TMEM123: variants seen among roughly 807,000 people sequenced by gnomAD.
The protein encoded by TMEM123 is transmembrane protein 123.
A neutral mutation model predicts 19.7 loss-of-function variants in TMEM123; 16 were observed. The observed-to-expected ratio is 0.81, with a 90% CI of 0.55 to 1.23. The LOEUF (loss-of-function observed/expected upper bound fraction) is 1.23. Among genes scored for constraint, TMEM123 ranks in the 50% most tolerant of loss-of-function variants. The pLI, the probability that TMEM123 is intolerant of heterozygous loss-of-function variation, is 0.00. For synonymous variants in TMEM123, 118 were observed against 99.4 expected (o/e 1.19, Z -1.12); for missense variants, 313 against 257.8 (o/e 1.21, Z -1.47).
At chr11:102,410,955 G>A (rs1167069637) in intron 2 of TMEM123, among the ~76,000 whole-genome samples, 3 of 151,994 alleles carry the variant, frequency 2.0e-5, no homozygotes, top group Non-Finnish European at 1.5e-5. Flanking sequence ...AATGTATCTT[G>A]TGTGTTACAA....
At chr11:102,429,343 C>T (rs191946912) in intron 2 of TMEM123, among the ~76,000 whole-genome samples, 83 of 152,300 alleles carry the variant, frequency 5.4e-4, no homozygotes, top group African/African-American at 1.9e-3. Flanking sequence ...GCTCTTTTCT[C>T]TTCTTCATAA....
chr11:102,402,204 T>C lies in TMEM123; in HGVS notation c.160A>G (p.Thr54Ala). The stretch of plus-strand genomic sequence containing the variant: ...TGGTCAGAAGGCACATGTTGGAGAG[T>C]CTCTGCAATAATATCAAGAAACATT... The part of the protein sequence containing the change: ...PHNSSANSTE[T>A]LQHVPSDHTN... The change falls in exon 3 of 5, where the codon ACT becomes GCT. Residue 54 changes from threonine (T) to alanine (A), a missense_variant and splice_region_variant. Thr to Ala is a moderately conservative substitution (Grantham distance 58). Transcript: ENST00000398136. 6.2e-7 allele frequency: 1 copy of C among 1,612,806 alleles called. No homozygotes were observed. The highest frequency in any genetic ancestry group is 8.5e-7 in the Non-Finnish European group (1 of 1,179,226).
At chr11:102,439,932 T>C (rs1048311832) in intron 2 of TMEM123, among the ~76,000 whole-genome samples, 24 of 152,220 alleles carry the variant, frequency 1.6e-4, no homozygotes, top group Non-Finnish European at 3.2e-4. Flanking sequence ...CTGATTCAAC[T>C]AGAAGAAAGT....
chr11:102,415,615 C>A (rs1271439757), intron 2 of TMEM123, among the ~76,000 whole-genome samples: 4 of 152,118 alleles, frequency 2.6e-5, no homozygotes, highest in Non-Finnish European at 4.4e-5. Context: ...TAAAAAAATT[C>A]TTTGAAACTA....
Position 102,452,739 on chromosome 11 carries a change from TC to T in TMEM123, c.-117del. 1.3e-6 allele frequency: 1 copy of T among 767,488 alleles called. No individual in the cohort carries two copies. Among genetic ancestry groups the T allele is most frequent in the Non-Finnish European group, 1.8e-6 (1 of 549,492 alleles). The allele number at this position is 767,488 out of a possible 1,614,324, so 47.5% of individuals were successfully genotyped here. A position where few individuals can be genotyped will look rare whatever the true frequency, so the allele number is the denominator to read the frequency against. On this transcript the variant is annotated 5_prime_UTR_variant, in exon 1 of 5. Transcript: ENST00000398136. The stretch of plus-strand genomic sequence containing the variant: ...CGCTTCCCCTTCGGCCGCGCACGTT[TC>T]CCCTCCCGCCGCTTGCCCCCCGAAT...
intron 2 of TMEM123, among the ~76,000 whole-genome samples, chr11:102,444,213 T>C (rs1857858178): frequency 6.6e-6 from 1 of 152,174 alleles, no homozygotes; most frequent in East Asian, 1.9e-4. Flanking sequence ...ACCCAAAGGA[T>C]TATAAATCAC....
intron 2 of TMEM123, among the ~76,000 whole-genome samples, chr11:102,411,821 A>C (rs1385524315): frequency 6.6e-6 from 1 of 152,226 alleles, no homozygotes; most frequent in East Asian, 1.9e-4. Context: ...ATTCTATCAA[A>C]GTGTCAGACA....
chr11:102,418,948 A>C (rs1190479781), intron 2 of TMEM123, among the ~76,000 whole-genome samples: 1 of 152,204 alleles, frequency 6.6e-6, no homozygotes, highest in Non-Finnish European at 1.5e-5. Context: ...TATAAGTGAG[A>C]GCTAAACAAT....
intron 2 of TMEM123, among the ~76,000 whole-genome samples, chr11:102,443,511 G>A (rs911756568): frequency 3.9e-5 from 6 of 151,968 alleles, no homozygotes; most frequent in Admixed American, 1.3e-4. Context: ...AGCTGAAACC[G>A]GATCCCTTCC....
chr11:102,403,977 T>C (rs2135843090), intron 2 of TMEM123, among the ~76,000 whole-genome samples: 1 of 152,340 alleles, frequency 6.6e-6, no homozygotes, highest in Middle Eastern at 3.4e-3. Context: ...TTTCCCAGCC[T>C]GCAGAACCTT....
intron 4 of TMEM123, 116 bp from the exon 5 acceptor site, chr11:102,399,007 G>A (rs75055689): frequency 1.6e-5 from 15 of 934,346 alleles, no homozygotes; most frequent in Middle Eastern, 2.9e-4. Flanking sequence ...CAATCAAAAT[G>A]GTCAGTGTTC....
intron 2 of TMEM123, among the ~76,000 whole-genome samples, chr11:102,431,179 A>C (rs565872175): frequency 3.3e-5 from 5 of 152,240 alleles, no homozygotes; most frequent in Non-Finnish European, 5.9e-5. Context: ...TTAAAAAAAA[A>C]CTGTATTTAT....
intron 1 of TMEM123, 129 bp from the exon 2 acceptor site, chr11:102,448,997 T>A: frequency 1.1e-6 from 1 of 876,874 alleles, no homozygotes; most frequent in Non-Finnish European, 1.8e-6. Context: ...CAGGAAGTTC[T>A]ACTTTGGCCC....
intron 2 of TMEM123, among the ~76,000 whole-genome samples, chr11:102,403,576 CAT>C (rs1565347123): frequency 1.3e-5 from 2 of 152,164 alleles, no homozygotes; most frequent in African/African-American, 4.8e-5. Context: ...TTTCCTGTCT[CAT>C]AGTTTATTTT....
At chr11:102,427,129 A>G (rs541984124) in intron 2 of TMEM123, among the ~76,000 whole-genome samples, 8 of 150,642 alleles carry the variant, frequency 5.3e-5, no homozygotes, top group South Asian at 2.1e-4. Flanking sequence ...CACACTATAC[A>G]TATCTTTATC....
chr11:102,415,666 G>A (rs921228472), intron 2 of TMEM123, among the ~76,000 whole-genome samples: 2 of 152,112 alleles, frequency 1.3e-5, no homozygotes, highest in African/African-American at 4.8e-5. Context: ...TGTGAGACAT[G>A]GCTAAAGCAG....
At chr11:102,407,940 T>A (rs557432036) in intron 2 of TMEM123, among the ~76,000 whole-genome samples, 15 of 152,352 alleles carry the variant, frequency 9.8e-5, no homozygotes, top group African/African-American at 3.1e-4. Flanking sequence ...TTATAAAAAA[T>A]ATGTCTCTGT....
chr11:102,452,715 G>C lies in TMEM123; in HGVS notation c.-92C>G. On this transcript the variant is annotated 5_prime_UTR_variant, in exon 1 of 5. Transcript: ENST00000398136. ...CCTCTGCGCAGCCGGCGCCGGCTCCGCTTCCCCTTCGGCCGCGCACGTTTC... is the reference window on the plus strand; with the variant it reads ...CCTCTGCGCAGCCGGCGCCGGCTCCCCTTCCCCTTCGGCCGCGCACGTTTC... 1 of 1,031,704 alleles carries C rather than the reference G, an allele frequency of 9.7e-7. No individual in the cohort carries two copies. The highest frequency in any genetic ancestry group is 1.3e-6 in the Non-Finnish European group (1 of 779,650). 63.9% of individuals were successfully genotyped at this position (1,031,704 alleles called of 1,614,324 possible).
intron 2 of TMEM123, among the ~76,000 whole-genome samples, chr11:102,412,223 G>C (rs976488761): frequency 6.6e-6 from 1 of 152,124 alleles, no homozygotes; most frequent in Admixed American, 6.6e-5. Context: ...CTGAGGTCAA[G>C]AGTTCAAGAC....
Sources: allele counts gnomAD v4.1 joint callset (sites outside exome capture counted in the v4.1 genomes callset), GRCh38; gene constraint gnomAD v4.1.1; transcripts MANE v1.5; gene names NCBI Gene and HGNC (gene_info 2026-07-23, HGNC 2026-07-21).